HABP4: variants seen among roughly 807,000 people sequenced by gnomAD.
HABP4 encodes intracellular hyaluronan-binding protein 4.
A neutral mutation model predicts 44.1 loss-of-function variants in HABP4; 32 were observed. That is an observed-to-expected ratio of 0.73 (90% CI 0.55 to 0.97). HABP4 has a LOEUF of 0.97. Ranked by LOEUF, HABP4 falls within the 50% of genes least tolerant of loss-of-function variation. HABP4 has a pLI of 0.00. For synonymous variants in HABP4, 216 were observed against 218.0 expected, an observed-to-expected ratio of 0.99 and a Z score of 0.08; for missense variants, 503 against 561.9, an observed-to-expected ratio of 0.90 and a Z score of 1.06.
At chr9:96,489,252 C>T (rs1833033911) in intron 7 of HABP4, among the ~76,000 whole-genome samples, 1 of 152,132 alleles carries the variant, frequency 6.6e-6, no homozygotes, top group Non-Finnish European at 1.5e-5. Context: ...ATAGGAAACA[C>T]ACCCTCACTC....
At chr9:96,486,561 A>G (rs1423538933) in intron 6 of HABP4, among the ~76,000 whole-genome samples, 1 of 147,750 alleles carries the variant, frequency 6.8e-6, no homozygotes, top group Non-Finnish European at 1.5e-5. Context: ...GAGGTCTCCC[A>G]GAATATTTGA....
rs528007862 is a variant in HABP4, at chr9:96,472,231, C to T, written c.827+1137C>T. 5.9e-5 allele frequency among the ~76,000 whole-genome samples: 9 copies of T among 152,296 alleles called. No individual in the cohort carries two copies. The South Asian group carries it at 1.9e-3, about 32-fold the overall frequency. On this transcript the variant is annotated intron_variant, in intron 5 of 7. Transcript: ENST00000375249. ...CCCACAAGCTGAGCACTACAAGTCA[C>T]ATCGTGGGCCTGGTTGGAACCCCAG...
intron 1 of HABP4, among the ~76,000 whole-genome samples, chr9:96,454,351 T>C (rs1240835167): frequency 2.0e-5 from 3 of 152,234 alleles, no homozygotes; most frequent in Non-Finnish European, 2.9e-5. Flanking sequence ...ATGACTGTTA[T>C]GTCATGATCT....
chr9:96,480,057 C>T (rs1431151515), intron 5 of HABP4, among the ~76,000 whole-genome samples: 1 of 152,012 alleles, frequency 6.6e-6, no homozygotes, highest in Non-Finnish European at 1.5e-5. Context: ...TGCCTGTAGT[C>T]CCAGCTACTC....
At position 96,467,180 on chromosome 9, in the gene HABP4, C is replaced by T. The variant is rs201328697; in HGVS notation, c.743+1402C>T. Reference sequence around the variant, plus strand: ...TCAGGTAATCCACCTGCCTTGGCCTCCCAAAGTGCTGGGATTACAGGCATG... The same window carrying T: ...TCAGGTAATCCACCTGCCTTGGCCTTCCAAAGTGCTGGGATTACAGGCATG... On this transcript the variant is annotated intron_variant, in intron 4 of 7. Coordinates refer to ENST00000375249, the MANE Select transcript of HABP4 (RefSeq NM_014282.4). Among the ~76,000 whole-genome samples, 121 of 152,194 alleles carry T rather than the reference C, an allele frequency of 8.0e-4. 1 individual carries two copies. In the East Asian group the frequency reaches 0.022, roughly 28 times the overall value.
chr9:96,466,199 G>A (rs755129744), intron 4 of HABP4, among the ~76,000 whole-genome samples: 2 of 151,940 alleles, frequency 1.3e-5, no homozygotes, highest in East Asian at 1.9e-4. Flanking sequence ...GTGAAACCCC[G>A]TTTCTACTAA....
chr9:96,487,266 A>T (rs10991352), intron 6 of HABP4, among the ~76,000 whole-genome samples: 35,677 of 148,394 alleles, frequency 0.24, 5,504 homozygotes, highest in African/African-American at 0.41. Context: ...ATCTGAAATC[A>T]CTGACATATC....
At position 96,464,438 on chromosome 9, in the gene HABP4, G is replaced by A. The variant is rs1313385278; in HGVS notation, c.513-899G>A. ...AAAGTGAGAGTGCCCACAAGGATAAGGACAGATGGGTATCCGTATAGAGCA... is the reference window on the plus strand; with the variant it reads ...AAAGTGAGAGTGCCCACAAGGATAAAGACAGATGGGTATCCGTATAGAGCA... On this transcript the variant is annotated intron_variant, in intron 2 of 7. Transcript: ENST00000375249. Among the ~76,000 whole-genome samples, 4 of 152,304 alleles carry A rather than the reference G, an allele frequency of 2.6e-5. No individual in the cohort carries two copies. The East Asian group carries it at 5.8e-4, about 22-fold the overall frequency.
chr9:96,481,559 A>G (rs377402298), intron 5 of HABP4, among the ~76,000 whole-genome samples: 16 of 152,144 alleles, frequency 1.1e-4, no homozygotes, highest in African/African-American at 3.9e-4. Context: ...CATGGGCTAC[A>G]TGGAGAGACC....
chr9:96,479,271 C>T (rs995280068), intron 5 of HABP4, among the ~76,000 whole-genome samples: 1 of 152,142 alleles, frequency 6.6e-6, no homozygotes, highest in Non-Finnish European at 1.5e-5. Flanking sequence ...GCATTACCAA[C>T]ATTACCTTCA....
chr9:96,460,882 A>G (rs1415097979), intron 2 of HABP4, among the ~76,000 whole-genome samples: 1 of 152,228 alleles, frequency 6.6e-6, no homozygotes, highest in Non-Finnish European at 1.5e-5. Context: ...TAGTTTCTTA[A>G]AAAATACCCT....
Position 96,484,584 on chromosome 9 carries a change from C to G in HABP4, c.950C>G (p.Thr317Ser). Reference protein sequence around the residue: ...PEFNIRKPESTVPSKAVVIHK... With the variant: ...PEFNIRKPESSVPSKAVVIHK... ...TTTAACATCCGGAAACCAGAATCCA[C>G]TGTTCCTTCCAAAGCCGTGGTGATT... Residue 317 changes from threonine (T) to serine (S), a missense_variant, in exon 6 of 8, where the codon ACT becomes AGT. By Grantham distance (58) the Thr-to-Ser change is moderately conservative (BLOSUM62 1). This residue lies in a region of HABP4 where 131 missense variants were observed against 189.8 expected (regional missense o/e 0.69). Transcript: ENST00000375249. The G allele has an allele frequency of 6.3e-7, 1 of 1,599,662 alleles. No individual in the cohort carries two copies. Among genetic ancestry groups the G allele is most frequent in the Non-Finnish European group, 8.6e-7 (1 of 1,166,738 alleles).
chr9:96,469,133 A>AAT (rs1456583568), intron 4 of HABP4, among the ~76,000 whole-genome samples: 3 of 152,234 alleles, frequency 2.0e-5, no homozygotes, highest in Non-Finnish European at 4.4e-5. Context: ...ACAGCGGTAA[A>AAT]ATAGAATTTT....
chr9:96,450,390 C>G lies in HABP4; in HGVS notation c.111C>G (p.Asp37Glu). The G allele has an allele frequency of 1.4e-6, 2 of 1,434,610 alleles. No homozygotes were observed. The highest frequency in any genetic ancestry group is 1.3e-5 in the South Asian group (1 of 74,304). The allele number at this position is 1,434,610 out of a possible 1,614,324, so 88.9% of individuals were successfully genotyped here. The change falls in exon 1 of 8, where the codon GAC (aspartate) becomes GAG (glutamate). Residue 37 changes from aspartate to glutamate, a missense_variant. Coordinates refer to ENST00000375249, the MANE Select transcript of HABP4 (RefSeq NM_014282.4). The surrounding 1 kb of genome is among the most constrained non-coding windows in gnomAD (Gnocchi z 4.8). The stretch of plus-strand genomic sequence containing the variant: ...ATCAGCTGCTGGACGACGAGTCGGA[C>G]CCGTTCGACATCCTGCGCGAGGCCG... ...RFHQLLDDES[D>E]PFDILREAER... is the part of the protein sequence containing the mutation.
Position 96,488,241 on chromosome 9 carries a change from G to A in HABP4, c.1152G>A (p.Arg384=). ...GGGGAGGCCGGGGAAGGATCAGGAGGGCAGAGAACTATGGACCCAGAGCAG... is the reference window on the plus strand; with the variant it reads ...GGGGAGGCCGGGGAAGGATCAGGAGAGCAGAGAACTATGGACCCAGAGCAG... ...GTRGGRGRIR[R]AENYGPRAEV... Residue 384 remains arginine (R), a synonymous_variant, in exon 7 of 8, where the codon AGG becomes AGA. Coordinates refer to ENST00000375249, the MANE Select transcript of HABP4 (RefSeq NM_014282.4). This position sits in a 1 kb window ranked among gnomAD's most constrained non-coding sequence, Gnocchi z 4.6. 1.2e-6 allele frequency: 2 copies of A among 1,613,716 alleles called. No individual in the cohort carries two copies. Among genetic ancestry groups the A allele is most frequent in the East Asian group, 2.2e-5 (1 of 44,876 alleles).
intron 1 of HABP4, among the ~76,000 whole-genome samples, chr9:96,452,071 C>CA (rs1832292425): frequency 6.6e-6 from 1 of 151,758 alleles, no homozygotes; most frequent in Non-Finnish European, 1.5e-5. Context: ...ATTACAAATA[C>CA]AAAAAATTAG....
intron 2 of HABP4, among the ~76,000 whole-genome samples, chr9:96,464,219 C>T (rs757717481): frequency 1.2e-4 from 19 of 152,050 alleles, no homozygotes; most frequent in Non-Finnish European, 2.5e-4. Context: ...TGGGGATGTC[C>T]GGGTGGAGAT....
At chr9:96,476,529 C>G (rs1832789022) in intron 5 of HABP4, among the ~76,000 whole-genome samples, 2 of 152,104 alleles carry the variant, frequency 1.3e-5, no homozygotes, top group South Asian at 4.1e-4. Flanking sequence ...TTATAACAAA[C>G]CAAGAATTGT....
intron 5 of HABP4, among the ~76,000 whole-genome samples, 188 bp downstream of exon 5, chr9:96,471,282 A>G (rs1190320271): frequency 6.6e-6 from 1 of 152,110 alleles, no homozygotes; most frequent in Non-Finnish European, 1.5e-5. Flanking sequence ...AGTTGGGACA[A>G]TAGGCGTGCG....
Sources: allele counts gnomAD v4.1 joint callset (sites outside exome capture counted in the v4.1 genomes callset), GRCh38; gene constraint gnomAD v4.1.1; regional missense constraint gnomAD v4.1.1; non-coding constraint Gnocchi (gnomAD v3.1); transcripts MANE v1.5; gene names NCBI Gene and HGNC (gene_info 2026-07-23, HGNC 2026-07-21).